Variants in NBEA observed in about 807,000 individuals in gnomAD.
NBEA encodes neurobeachin, also known as lysosomal-trafficking regulator 2.
In NBEA, 44 loss-of-function variants were observed where a neutral mutation model predicts 343.4. The observed-to-expected ratio is 0.13, with a 90% CI of 0.10 to 0.16. NBEA has a LOEUF of 0.16. NBEA is among the 10% of genes least tolerant of loss of function. The pLI is 1.00. For synonymous variants in NBEA, 1,175 were observed against 1,238.7 expected (o/e 0.95, Z 1.08); for missense variants, 2,555 against 3,631.3 (o/e 0.70, Z 7.62).
At chr13:35,223,609 A>T (rs945128579) in intron 33 of NBEA, among the ~76,000 whole-genome samples, 1 of 151,862 alleles carries the variant, frequency 6.6e-6, no homozygotes, top group East Asian at 1.9e-4. Flanking sequence ...ATATTTTTTT[A>T]CTTATTTACT....
chr13:35,665,695 A>G (rs2085318633), intron 56 of NBEA, among the ~76,000 whole-genome samples: 1 of 152,054 alleles, frequency 6.6e-6, no homozygotes, highest in Non-Finnish European at 1.5e-5. Context: ...GGTGCAATCC[A>G]GGCTCCCTGC....
rs550302537 is a variant in NBEA, at chr13:35,136,447, A to G, written c.2337-5822A>G. On this transcript the variant is annotated intron_variant, in intron 17 of 58. Transcript: ENST00000379939. ...AGGGATCAAGTCAAGGCCTGAAACA[A>G]TTTCCTTTTGGAAATGAGATATAGT... Among the ~76,000 whole-genome samples, 32 of 152,324 alleles carry G rather than the reference A, an allele frequency of 2.1e-4. No homozygotes were observed. The South Asian group carries it at 6.4e-3, about 31-fold the overall frequency.
At chr13:35,327,697 GGATC>G (rs2038661090) in intron 36 of NBEA, among the ~76,000 whole-genome samples, 3 of 151,756 alleles carry the variant, frequency 2.0e-5, no homozygotes, top group Admixed American at 1.3e-4. Flanking sequence ...CAGGGTGATG[GGATC>G]TATTGTACCC....
intron 1 of NBEA, among the ~76,000 whole-genome samples, chr13:35,016,518 C>G (rs1332839293): frequency 6.6e-6 from 1 of 151,774 alleles, no homozygotes; most frequent in African/African-American, 2.4e-5. Flanking sequence ...GGCACTGAGG[C>G]AGGTACTAGG....
intron 1 of NBEA, among the ~76,000 whole-genome samples, chr13:34,986,132 G>T (rs1026781193): frequency 6.6e-6 from 1 of 150,674 alleles, no homozygotes; most frequent in African/African-American, 2.4e-5. Context: ...ATGTTAGGGT[G>T]TCGATTTTAG....
At chr13:35,553,448 CT>C (rs2079436905) in intron 43 of NBEA, among the ~76,000 whole-genome samples, 2 of 152,030 alleles carry the variant, frequency 1.3e-5, no homozygotes, top group Non-Finnish European at 2.9e-5. Context: ...AAACCTGTCA[CT>C]TAGCTGGGTA....
intron 8 of NBEA, among the ~76,000 whole-genome samples, chr13:35,060,150 G>A (rs1174892599): frequency 4.0e-5 from 6 of 151,532 alleles, no homozygotes; most frequent in Non-Finnish European, 8.9e-5. Context: ...CTAATAGAAT[G>A]ATATTAAATA....
At chr13:35,283,276 T>A (rs2035177823) in intron 34 of NBEA, among the ~76,000 whole-genome samples, 1 of 152,092 alleles carries the variant, frequency 6.6e-6, no homozygotes, top group Non-Finnish European at 1.5e-5. Context: ...TGACAAAAAA[T>A]TTAGAAAGTT....
intron 35 of NBEA, among the ~76,000 whole-genome samples, chr13:35,300,295 G>A (rs1452623855): frequency 3.3e-5 from 5 of 152,124 alleles, no homozygotes; most frequent in Admixed American, 3.3e-4. Flanking sequence ...CTGCACTCCA[G>A]CCTGGGTGAC....
chr13:35,123,356 T>C (rs1375713066), intron 16 of NBEA, 126 bp from the exon 17 acceptor site: 17 of 504,102 alleles, frequency 3.4e-5, no homozygotes, highest in Non-Finnish European at 4.9e-5. Context: ...CAAAGAATTA[T>C]AATCCTGAGA....
At chr13:34,987,305 A>C (rs1290829067) in intron 1 of NBEA, among the ~76,000 whole-genome samples, 1 of 150,952 alleles carries the variant, frequency 6.6e-6, no homozygotes, top group Non-Finnish European at 1.5e-5. Context: ...TTCTTTTAAG[A>C]ATATTGAATA....
chr13:35,387,955 C>A (rs1445533696), intron 38 of NBEA, among the ~76,000 whole-genome samples: 2 of 152,158 alleles, frequency 1.3e-5, no homozygotes, highest in African/African-American at 4.8e-5. Flanking sequence ...CTGAACTAAT[C>A]ATCCTCTTAA....
chr13:35,366,771 A>G (rs761636945), intron 38 of NBEA, among the ~76,000 whole-genome samples: 12 of 151,330 alleles, frequency 7.9e-5, no homozygotes, highest in Non-Finnish European at 5.9e-5. Flanking sequence ...GGAAAAATTA[A>G]TGGATGAAAC....
intron 31 of NBEA, 123 bp downstream of exon 31, chr13:35,196,425 A>G (rs41292199): frequency 1.8e-4 from 166 of 914,136 alleles, no homozygotes; most frequent in Middle Eastern, 8.2e-4. Flanking sequence ...TACAAAGACA[A>G]TCAAAATGAT....
intron 1 of NBEA, among the ~76,000 whole-genome samples, chr13:35,037,329 C>T (rs1174564201): frequency 1.3e-5 from 2 of 152,108 alleles, no homozygotes; most frequent in Non-Finnish European, 2.9e-5. Flanking sequence ...TTTGAGTTTC[C>T]TCAACACAGC....
chr13:35,383,667 C>A (rs73502727), intron 38 of NBEA, among the ~76,000 whole-genome samples: 1 of 151,962 alleles, frequency 6.6e-6, no homozygotes, highest in Non-Finnish European at 1.5e-5. Context: ...ACAGTCACTA[C>A]ACAGGATCTA....
At chr13:35,116,850 T>C (rs1244179111) in intron 13 of NBEA, among the ~76,000 whole-genome samples, 1 of 152,076 alleles carries the variant, frequency 6.6e-6, no homozygotes, top group East Asian at 1.9e-4. Flanking sequence ...AGAACTGATA[T>C]GCACATTTTA....
intron 34 of NBEA, among the ~76,000 whole-genome samples, chr13:35,255,177 C>A (rs1405239053): frequency 6.6e-6 from 1 of 152,124 alleles, no homozygotes; most frequent in Non-Finnish European, 1.5e-5. Context: ...ATTTTTTTCC[C>A]CACTGAATGG....
intron 34 of NBEA, among the ~76,000 whole-genome samples, chr13:35,252,491 G>C (rs916133074): frequency 6.6e-6 from 1 of 152,226 alleles, no homozygotes; most frequent in African/African-American, 2.4e-5. Context: ...GCCTGCTGGA[G>C]CTCTGGCCTA....
Sources: allele counts gnomAD v4.1 joint callset (sites outside exome capture counted in the v4.1 genomes callset), GRCh38; gene constraint gnomAD v4.1.1; transcripts MANE v1.5; gene names NCBI Gene and HGNC (gene_info 2026-07-23, HGNC 2026-07-21).